The following ST3GAL3 variants were observed in gnomAD, a reference collection of about 807,000 sequenced individuals.
The protein encoded by ST3GAL3 is CMP-N-acetylneuraminate-beta-1,4-galactoside alpha-2,3-sialyltransferase.
A neutral mutation model predicts 50.1 loss-of-function variants in ST3GAL3; 21 were observed. That is an observed-to-expected ratio of 0.42 (90% CI 0.30 to 0.60). ST3GAL3 has a LOEUF of 0.60. Ranked by LOEUF, ST3GAL3 falls within the 20% of genes least tolerant of loss-of-function variation. The pLI is 0.19. For missense variants in ST3GAL3, 353 were observed against 489.4 expected, an observed-to-expected ratio of 0.72 and a Z score of 2.63; for synonymous variants, 183 against 190.0, an observed-to-expected ratio of 0.96 and a Z score of 0.30.
chr1:43,844,680 C>T (rs868214653), intron 5 of ST3GAL3, among the ~76,000 whole-genome samples: 5 of 152,072 alleles, frequency 3.3e-5, no homozygotes, highest in South Asian at 2.1e-4. Context: ...GGCGTGGTGG[C>T]GGGCACTACG....
At chr1:43,878,284 A>G (rs1001511737) in intron 5 of ST3GAL3, among the ~76,000 whole-genome samples, 3 of 152,226 alleles carry the variant, frequency 2.0e-5, no homozygotes, top group Non-Finnish European at 4.4e-5. Flanking sequence ...TTATATCCTC[A>G]TCTCAAAATC....
chr1:43,838,486 T>C (rs2064812833), intron 5 of ST3GAL3, 175 bp downstream of exon 5: 2 of 651,764 alleles, frequency 3.1e-6, no homozygotes, highest in Non-Finnish European at 2.8e-6. Context: ...TGCCGTTGCT[T>C]TGCCTTACTC....
chr1:43,761,679 G>A (rs906570692), intron 2 of ST3GAL3, among the ~76,000 whole-genome samples: 1 of 151,862 alleles, frequency 6.6e-6, no homozygotes, highest in Non-Finnish European at 1.5e-5. Flanking sequence ...GGCCGGGCGC[G>A]GTGGCTCATG....
At chr1:43,770,060 T>G (rs1259679627) in intron 2 of ST3GAL3, among the ~76,000 whole-genome samples, 1 of 152,114 alleles carries the variant, frequency 6.6e-6, no homozygotes, top group East Asian at 1.9e-4. Flanking sequence ...GTAAATAATT[T>G]AAACTGTAAC....
chr1:43,743,585 G>A (rs1045140212), intron 2 of ST3GAL3: 2 of 364,674 alleles, frequency 5.5e-6, no homozygotes, highest in Admixed American at 3.0e-5. Flanking sequence ...GAATGAGAGG[G>A]TCTGTCAGTG....
At chr1:43,872,698 T>A (rs887157403) in intron 5 of ST3GAL3, among the ~76,000 whole-genome samples, 2 of 152,170 alleles carry the variant, frequency 1.3e-5, no homozygotes, top group African/African-American at 4.8e-5. Flanking sequence ...ACCAACAGTC[T>A]TGCCTTCATG....
chr1:43,805,536 G>T (rs145724423), intron 3 of ST3GAL3, among the ~76,000 whole-genome samples: 1 of 152,194 alleles, frequency 6.6e-6, no homozygotes, highest in Non-Finnish European at 1.5e-5. Context: ...GATGTTGTTC[G>T]TTCAACATTC....
At chr1:43,813,778 T>C (rs1212834217) in intron 3 of ST3GAL3, among the ~76,000 whole-genome samples, 1 of 152,242 alleles carries the variant, frequency 6.6e-6, no homozygotes, top group East Asian at 1.9e-4. Flanking sequence ...TCCAGTATTT[T>C]GGTCTTGGTA....
chr1:43,875,879 A>G (rs969130335), intron 5 of ST3GAL3, among the ~76,000 whole-genome samples: 26 of 151,890 alleles, frequency 1.7e-4, no homozygotes, highest in Admixed American at 1.4e-3. Flanking sequence ...GCACCTGATG[A>G]TAATTGCTTT....
intron 5 of ST3GAL3, among the ~76,000 whole-genome samples, chr1:43,865,406 G>T (rs1249531866): frequency 6.6e-6 from 1 of 152,118 alleles, no homozygotes; most frequent in African/African-American, 2.4e-5. Flanking sequence ...ACATGAATTT[G>T]TAGTATCTAT....
At chr1:43,787,134 C>T (rs912654482) in intron 2 of ST3GAL3, among the ~76,000 whole-genome samples, 8 of 152,330 alleles carry the variant, frequency 5.3e-5, no homozygotes, top group African/African-American at 1.9e-4. Flanking sequence ...TAGGTTTCCT[C>T]ATTGAACAAA....
chr1:43,902,224 C>A (rs1238301570), intron 9 of ST3GAL3, among the ~76,000 whole-genome samples: 1 of 152,222 alleles, frequency 6.6e-6, no homozygotes, highest in Admixed American at 6.5e-5. Context: ...CTGCACCTGT[C>A]TGGAGCCTCA....
chr1:43,833,168 A>T (rs1488220270), intron 4 of ST3GAL3, among the ~76,000 whole-genome samples: 2 of 152,170 alleles, frequency 1.3e-5, no homozygotes, highest in Non-Finnish European at 2.9e-5. Context: ...AGTCCTCAGG[A>T]ATCACTGTCA....
intron 5 of ST3GAL3, among the ~76,000 whole-genome samples, chr1:43,854,440 C>T (rs1023243942): frequency 2.6e-5 from 4 of 152,166 alleles, no homozygotes; most frequent in African/African-American, 9.7e-5. Flanking sequence ...ATTATTTGTT[C>T]AAACTCCCTC....
intron 2 of ST3GAL3, among the ~76,000 whole-genome samples, chr1:43,788,875 A>G (rs1298336782): frequency 6.6e-6 from 1 of 152,072 alleles, no homozygotes; most frequent in Non-Finnish European, 1.5e-5. Flanking sequence ...AAGTGAGCAG[A>G]ATTGATCAGA....
intron 2 of ST3GAL3, among the ~76,000 whole-genome samples, chr1:43,755,854 T>A (rs1288801146): frequency 6.6e-6 from 1 of 152,056 alleles, no homozygotes; most frequent in African/African-American, 2.4e-5. Context: ...CTCCTAGTGC[T>A]TTGGGGGGCC....
At chr1:43,903,761 G>A (rs1296854036) in intron 9 of ST3GAL3, among the ~76,000 whole-genome samples, 1 of 152,194 alleles carries the variant, frequency 6.6e-6, no homozygotes, top group African/African-American at 2.4e-5. Context: ...CATGGCTTAA[G>A]AGGGGAAAAT....
At chr1:43,781,115 C>G (rs1466270609) in intron 2 of ST3GAL3, among the ~76,000 whole-genome samples, 1 of 152,116 alleles carries the variant, frequency 6.6e-6, no homozygotes, top group Non-Finnish European at 1.5e-5. Flanking sequence ...TGCTGACTTC[C>G]ACTTGTCTAC....
intron 5 of ST3GAL3, among the ~76,000 whole-genome samples, chr1:43,872,344 C>A (rs573825986): frequency 4.2e-5 from 4 of 95,642 alleles, no homozygotes; most frequent in African/African-American, 1.7e-4. Context: ...AGGGTGTGAG[C>A]GAGACGGGGT....
Sources: allele counts gnomAD v4.1 joint callset (sites outside exome capture counted in the v4.1 genomes callset), GRCh38; gene constraint gnomAD v4.1.1; transcripts MANE v1.5; gene names NCBI Gene and HGNC (gene_info 2026-07-23, HGNC 2026-07-21).